DMWD: variants seen among roughly 807,000 people sequenced by gnomAD.
DMWD encodes the protein dystrophia myotonica WD repeat-containing protein.
DMWD carries 19 observed loss-of-function variants against 45.8 expected under a neutral mutation model. That is an observed-to-expected ratio of 0.41 (90% CI 0.29 to 0.61). The LOEUF is 0.61. DMWD is among the 20% of genes least tolerant of loss of function. DMWD has a pLI of 0.25. For missense variants in DMWD, 802 were observed against 965.2 expected, an observed-to-expected ratio of 0.83 and a Z score of 2.24; for synonymous variants, 515 against 440.5, an observed-to-expected ratio of 1.17 and a Z score of -2.12.
chr19:45,790,700 TA>T, intron 2 of DMWD: 3 of 447,924 alleles, frequency 6.7e-6, no homozygotes, highest in Non-Finnish European at 1.2e-5. Context: ...ACCCAAGGAG[TA>T]AAGTATTCAG....
chr19:45,787,372 G>A (rs890694801), intron 2 of DMWD, among the ~76,000 whole-genome samples: 1 of 152,120 alleles, frequency 6.6e-6, no homozygotes, highest in African/African-American at 2.4e-5. Flanking sequence ...CTAGGTGTGC[G>A]CTCCTTATTA....
In DMWD at chr19:45,786,583, C is replaced by T; in HGVS notation, c.913G>A (p.Asp305Asn). The T allele has an allele frequency of 1.2e-6, 2 of 1,613,962 alleles. No homozygotes were observed. Among genetic ancestry groups the T allele is most frequent in the Non-Finnish European group, 1.7e-6 (2 of 1,179,930 alleles). ...DGRHLACVSQ[D>N]GCLRVFHFDS... is the part of the protein sequence containing the mutation. Reference sequence around the variant, plus strand: ...AAGTGGAAGACGCGCAGGCAGCCATCCTGGCTCACACAGGCCAGGTGCCGG... The same window carrying T: ...AAGTGGAAGACGCGCAGGCAGCCATTCTGGCTCACACAGGCCAGGTGCCGG... Residue 305 changes from aspartate to asparagine, a missense_variant, in exon 3 of 5, where the codon GAT (aspartate) becomes AAT (asparagine). Asp to Asn is a conservative substitution (Grantham distance 23). Around this residue, in one of 9 missense-constraint regions of DMWD, gnomAD observed 146 missense variants for 212.8 expected, o/e 0.69. Transcript: ENST00000270223.
At chr19:45,791,254 G>A (rs1282021520) in intron 1 of DMWD, among the ~76,000 whole-genome samples, 167 bp from the exon 2 acceptor site, 1 of 151,912 alleles carries the variant, frequency 6.6e-6, no homozygotes, top group Non-Finnish European at 1.5e-5. Context: ...GACGGGAAGG[G>A]GACCCAAATC....
At position 45,786,484 on chromosome 19, in the gene DMWD, C is replaced by T. The variant is rs1375137718; in HGVS notation, c.1012G>A (p.Gly338Ser). The T allele has an allele frequency of 2.5e-6, 4 of 1,612,984 alleles. No individual in the cohort carries two copies. The highest frequency in any genetic ancestry group is 1.3e-5 in the African/African-American group (1 of 75,030). Residue 338 changes from glycine to serine, a missense_variant, in exon 3 of 5, where the codon GGC becomes AGC. Gly to Ser is a moderately conservative substitution (Grantham distance 56). Coordinates refer to ENST00000270223, the MANE Select transcript of DMWD (RefSeq NM_004943.2). Reference sequence around the variant, plus strand: ...TCGCCACCCGTCACCACGTAGCGGCCGTCAGGGCTCCAGCACACACACAGC... The same window carrying T: ...TCGCCACCCGTCACCACGTAGCGGCTGTCAGGGCTCCAGCACACACACAGC... ...GLLCVCWSPDGRYVVTGGEDD... is the reference protein window; with the variant it reads ...GLLCVCWSPDSRYVVTGGEDD...
At chr19:45,789,239 G>A (rs528725839) in intron 2 of DMWD, 10 of 152,310 alleles carry the variant, frequency 6.6e-5, no homozygotes, top group East Asian at 5.8e-4. Context: ...GGCACAGAAC[G>A]GATGCTCAAA....
intron 3 of DMWD, among the ~76,000 whole-genome samples, chr19:45,784,984 GCCCA>G (rs1970251689): frequency 6.6e-6 from 1 of 152,186 alleles, no homozygotes; most frequent in Admixed American, 6.5e-5. Flanking sequence ...CAACGCCACA[GCCCA>G]CCCAGGAGGC....
Position 45,784,704 on chromosome 19 carries a change from C to A in DMWD, c.1914G>T (p.Glu638Asp), listed in dbSNP as rs1365330095. 1.2e-6 allele frequency: 2 copies of A among 1,613,772 alleles called. No homozygotes were observed. The highest frequency in any genetic ancestry group is 1.7e-6 in the Non-Finnish European group (2 of 1,179,842). Residue 638 changes from glutamate (E) to aspartate (D), a missense_variant, in exon 4 of 5, where the codon GAG becomes GAT. Coordinates refer to ENST00000270223, the MANE Select transcript of DMWD (RefSeq NM_004943.2). ...WARPGKAFTD[E>D]ETEAQTGEGS... ...CTTCCCCTGTCTGGGCCTCGGTCTCCTCGTCTGTGAACTACGGAGACAGAG... is the reference window on the plus strand; with the variant it reads ...CTTCCCCTGTCTGGGCCTCGGTCTCATCGTCTGTGAACTACGGAGACAGAG...
At chr19:45,791,943 T>C (rs1303099219) in intron 1 of DMWD, among the ~76,000 whole-genome samples, 1 of 152,034 alleles carries the variant, frequency 6.6e-6, no homozygotes, top group African/African-American at 2.4e-5. Flanking sequence ...AATACTGGGT[T>C]CTCCATCACC....
rs1970365182 is a variant in DMWD, at chr19:45,792,302, T to C, written c.441+14A>G. On this transcript the variant is annotated intron_variant, in intron 1 of 4. Transcript: ENST00000270223. Reference sequence around the variant, plus strand: ...CCTTTCAGCACCCAGGGCCCCACGATGCAGGCCGCTCACCCGTTGGCTCCC... The same window carrying C: ...CCTTTCAGCACCCAGGGCCCCACGACGCAGGCCGCTCACCCGTTGGCTCCC... The C allele has an allele frequency of 1.2e-6, 2 of 1,602,576 alleles. No homozygotes were observed. Among genetic ancestry groups the C allele is most frequent in the Admixed American group, 3.4e-5 (2 of 59,384 alleles).
At chr19:45,788,580 G>A (rs1438925114) in intron 2 of DMWD, among the ~76,000 whole-genome samples, 1 of 152,164 alleles carries the variant, frequency 6.6e-6, no homozygotes, top group Non-Finnish European at 1.5e-5. Context: ...TAACTGCACT[G>A]GCCACACGGC....
At chr19:45,784,779 C>T (rs963147758) in intron 3 of DMWD, 64 bp from the exon 4 acceptor site, 3 of 1,578,666 alleles carry the variant, frequency 1.9e-6, no homozygotes, top group East Asian at 2.2e-5. Context: ...CCACTCTTGC[C>T]TCTGAGTCAC....
rs757292307 is a variant in DMWD at position 45,784,208 on chromosome 19, G to A, written c.*35C>T. The A allele has an allele frequency of 6.4e-7, 1 of 1,570,356 alleles. No homozygotes were observed. Among genetic ancestry groups the A allele is most frequent in the Non-Finnish European group, 8.7e-7 (1 of 1,152,972 alleles). On this transcript the variant is annotated 3_prime_UTR_variant, in exon 5 of 5. Coordinates refer to ENST00000270223, the MANE Select transcript of DMWD (RefSeq NM_004943.2). ...GGGAGGGTTATGGCTAGGAGGCTGG[G>A]GGCATGGGGTTGGGGGGGCCCGATA...
rs1263850480 is a variant in DMWD, at chr19:45,790,912, T to C, written c.617A>G (p.Asn206Ser). 3 of 1,604,968 alleles carry C rather than the reference T, an allele frequency of 1.9e-6. No homozygotes were observed. The highest frequency in any genetic ancestry group is 2.6e-6 in the Non-Finnish European group (3 of 1,175,568). Residue 206 changes from asparagine (N) to serine (S), a missense_variant, in exon 2 of 5, where the codon AAT becomes AGT. By Grantham distance (46) the Asn-to-Ser change is conservative. Transcript: ENST00000270223. The part of the protein sequence containing the change: ...LIKKDTSKLF[N>S]EERLIDKTKV... ...TCTGGGGGCTGCAATCACCTCCTCATTGAACAGCTTGCTGGTGTCCTTTTT... is the reference window on the plus strand; with the variant it reads ...TCTGGGGGCTGCAATCACCTCCTCACTGAACAGCTTGCTGGTGTCCTTTTT...
In DMWD at chr19:45,792,731, C is replaced by A; in HGVS notation, c.26G>T (p.Gly9Val). The stretch of plus-strand genomic sequence containing the variant: ...CCCCATGGCGGCGCCGGGGCCCGAG[C>A]CGCCCTCCGCGCCGCCCGCCGCCAT... Reference protein sequence around the residue: MAAGGAEGGSGPGAAMGDC... With the variant: MAAGGAEGVSGPGAAMGDC... The change falls in exon 1 of 5, where the codon GGC becomes GTC. Residue 9 changes from glycine (G) to valine (V), a missense_variant. By Grantham distance (109) the Gly-to-Val change is moderately radical. Around this residue, in one of 9 missense-constraint regions of DMWD, gnomAD observed 151 missense variants for 128.1 expected, o/e 1.18. Transcript: ENST00000270223. 2 of 1,163,912 alleles carry A rather than the reference C, an allele frequency of 1.7e-6. No individual in the cohort carries two copies. The highest frequency in any genetic ancestry group is 1.1e-6 in the Non-Finnish European group (1 of 938,452). 72.1% of individuals were successfully genotyped at this position (1,163,912 alleles called of 1,614,324 possible). A position where few individuals can be genotyped will look rare whatever the true frequency, so the allele number is the denominator to read the frequency against.
intron 1 of DMWD, 134 bp from the exon 2 acceptor site, chr19:45,791,221 T>C (rs920533494): frequency 2.3e-6 from 2 of 880,102 alleles, no homozygotes; most frequent in Admixed American, 3.0e-5. Flanking sequence ...AGTAGGTGGA[T>C]TGCGAAGGAC....
rs768617176 is a variant in DMWD at position 45,786,476 on chromosome 19, G to A, written c.1020C>T (p.Tyr340=). 2.9e-5 allele frequency: 46 copies of A among 1,612,826 alleles called. No individual in the cohort carries two copies. The highest frequency in any genetic ancestry group is 1.3e-4 in the East Asian group (6 of 44,832). Residue 340 remains tyrosine, a synonymous_variant, in exon 3 of 5, where the codon TAC becomes TAT. Coordinates refer to ENST00000270223, the MANE Select transcript of DMWD (RefSeq NM_004943.2). ...LCVCWSPDGR[Y]VVTGGEDDLV... Reference sequence around the variant, plus strand: ...GGTCATCTTCGCCACCCGTCACCACGTAGCGGCCGTCAGGGCTCCAGCACA... The same window carrying A: ...GGTCATCTTCGCCACCCGTCACCACATAGCGGCCGTCAGGGCTCCAGCACA...
rs994623019 is a variant in DMWD at position 45,792,809 on chromosome 19, C to T, written c.-53G>A. 2.3e-5 allele frequency: 25 copies of T among 1,083,422 alleles called. No individual in the cohort carries two copies. The African/African-American group carries it at 3.5e-4, about 15-fold the overall frequency. The allele number at this position is 1,083,422 out of a possible 1,614,324, so 67.1% of individuals were successfully genotyped here. ...GCCGGACTGCCGCCCGCAGCCGGGC[C>T]CCCTCCCGGAAGCCGCTGGCCCGCG... is the stretch of plus-strand genomic sequence containing the variant. On this transcript the variant is annotated 5_prime_UTR_variant, in exon 1 of 5. Coordinates refer to ENST00000270223, the MANE Select transcript of DMWD (RefSeq NM_004943.2).
intron 2 of DMWD, 136 bp downstream of exon 2, chr19:45,790,769 T>C (rs753270886): frequency 2.1e-6 from 2 of 960,968 alleles, no homozygotes; most frequent in Admixed American, 5.5e-5. Flanking sequence ...CATTAGCTGC[T>C]GTCACCCCAT....
rs764114292 is a variant in DMWD, at chr19:45,792,623, G to A, written c.134C>T (p.Ser45Leu). The change falls in exon 1 of 5, where the codon TCG (serine) becomes TTG (leucine). Residue 45 changes from serine (S) to leucine (L), a missense_variant. Coordinates refer to ENST00000270223, the MANE Select transcript of DMWD (RefSeq NM_004943.2). The part of the protein sequence containing the change: ...LLPGDGAARR[S>L]GPASAQTPVP... ...CGGAGTCTGGGCGGAAGCCGGACCC[G>A]ACCTGCGAGCGGCGCCGTCGCCCGG... The A allele has an allele frequency of 1.2e-5, 16 of 1,331,196 alleles. No individual in the cohort carries two copies. Among genetic ancestry groups the A allele is most frequent in the Non-Finnish European group, 1.6e-5 (16 of 1,024,908 alleles). 82.5% of individuals were successfully genotyped at this position (1,331,196 alleles called of 1,614,324 possible). A position where few individuals can be genotyped will look rare whatever the true frequency, so the allele number is the denominator to read the frequency against.
Sources: gnomAD v4.1 joint callset for allele counts (sites outside exome capture counted in the v4.1 genomes callset) on GRCh38, gnomAD v4.1.1 for gene constraint, gnomAD v4.1.1 regional missense constraint, MANE v1.5 for transcripts, NCBI Gene and HGNC (gene_info 2026-07-23, HGNC 2026-07-21) for gene names.